The following ZNF595 variants were observed in gnomAD, a reference collection of about 807,000 sequenced individuals.
The protein encoded by ZNF595 is zinc finger protein 595.
A neutral mutation model predicts 19.4 loss-of-function variants in ZNF595; 9 were observed. That is an observed-to-expected ratio of 0.46 (90% CI 0.28 to 0.81). ZNF595 has a LOEUF of 0.81. ZNF595 is among the 30% of genes least tolerant of loss of function. The pLI is 0.11. For synonymous variants in ZNF595, 255 were observed against 255.9 expected, an observed-to-expected ratio of 1.00 and a Z score of 0.03; for missense variants, 729 against 736.0, an observed-to-expected ratio of 0.99 and a Z score of 0.11.
chr4:87,548 T>C lies in ZNF595; in HGVS notation c.*97T>C. The stretch of plus-strand genomic sequence containing the variant: ...TAAACTTGTATTATTTTTCTTATTT[T>C]AAATTTTTTAAAATTTCTGTAGGTA... On this transcript the variant is annotated 3_prime_UTR_variant, in exon 4 of 4. Transcript: ENST00000610261. 1 of 1,213,546 alleles carries C rather than the reference T, an allele frequency of 8.2e-7. No homozygotes were observed. The highest frequency in any genetic ancestry group is 1.1e-6 in the Non-Finnish European group (1 of 913,478). The allele number at this position is 1,213,546 out of a possible 1,614,324, so 75.2% of individuals were successfully genotyped here.
Position 86,431 on chromosome 4 carries a change from G to C in ZNF595, c.927G>C (p.Glu309Asp), listed in dbSNP as rs908577675. The change falls in exon 4 of 4, where the codon GAG (glutamate) becomes GAC (aspartate). Residue 309 changes from glutamate (E) to aspartate (D), a missense_variant. Physicochemically the swap from Glu to Asp is conservative, Grantham distance 45. Around this residue, in one of 2 missense-constraint regions of ZNF595, gnomAD observed 729 missense variants for 675.3 expected, o/e 1.08. Transcript: ENST00000610261. ...AACATAAGAATATTCATACTGGAGAGAAACCCTACAAATGTAAAGAATGTG... is the reference window on the plus strand; with the variant it reads ...AACATAAGAATATTCATACTGGAGACAAACCCTACAAATGTAAAGAATGTG... The part of the protein sequence containing the change: ...LNEHKNIHTG[E>D]KPYKCKECGK... The C allele has an allele frequency of 2.5e-6, 4 of 1,613,968 alleles. No homozygotes were observed. Among genetic ancestry groups the C allele is most frequent in the Non-Finnish European group, 3.4e-6 (4 of 1,179,942 alleles).
chr4:83,964 G>C (rs1474710740), intron 3 of ZNF595, among the ~76,000 whole-genome samples: 2 of 151,114 alleles, frequency 1.3e-5, no homozygotes, highest in Non-Finnish European at 3.0e-5. Flanking sequence ...TTTGACTTTT[G>C]TGTTGATAGA....
intron 3 of ZNF595, among the ~76,000 whole-genome samples, chr4:81,228 A>G (rs1713894842): frequency 6.6e-6 from 1 of 152,210 alleles, no homozygotes; most frequent in South Asian, 2.1e-4. Flanking sequence ...ATAATTGTGT[A>G]CTACAATATT....
At chr4:68,964 A>G (rs1553797474) in intron 3 of ZNF595, among the ~76,000 whole-genome samples, 1 of 152,156 alleles carries the variant, frequency 6.6e-6, no homozygotes, top group East Asian at 1.9e-4. Flanking sequence ...AATTAAATCA[A>G]TTTAGTTTTT....
Position 86,538 on chromosome 4 carries a change from G to T in ZNF595, c.1034G>T (p.Cys345Phe), listed in dbSNP as rs782288087. The T allele has an allele frequency of 6.2e-7, 1 of 1,613,912 alleles. No individual in the cohort carries two copies. Among genetic ancestry groups the T allele is most frequent in the South Asian group, 1.1e-5 (1 of 91,072 alleles). The change falls in exon 4 of 4, where the codon TGT (cysteine) becomes TTT (phenylalanine). Residue 345 changes from cysteine (C) to phenylalanine (F), a missense_variant. Transcript: ENST00000610261. ...TGEKPYTCEK[C>F]GKAFNQSSSL... ...GAAAAACCCTACACATGTGAAAAAT[G>T]TGGCAAAGCTTTTAACCAATCCTCA...
chr4:85,781 G>T lies in ZNF595; in HGVS notation c.277G>T (p.Asp93Tyr), dbSNP rs1714110255. 3 of 1,612,348 alleles carry T rather than the reference G, an allele frequency of 1.9e-6. No homozygotes were observed. Among genetic ancestry groups the T allele is most frequent in the Non-Finnish European group, 1.7e-6 (2 of 1,178,790 alleles). ...QDLSPVQGIE[D>Y]SFHKLILKRY... ...CCTTTCACCAGTGCAGGGGATAGAA[G>T]ATTCATTCCACAAACTTATACTGAA... The change falls in exon 4 of 4, where the codon GAT (aspartate) becomes TAT (tyrosine). Residue 93 changes from aspartate (D) to tyrosine (Y), a missense_variant. Transcript: ENST00000610261.
Position 87,183 on chromosome 4 carries a change from G to T in ZNF595, c.1679G>T (p.Gly560Val). The T allele has an allele frequency of 1.2e-6, 2 of 1,613,820 alleles. No individual in the cohort carries two copies. Among genetic ancestry groups the T allele is most frequent in the Non-Finnish European group, 1.7e-6 (2 of 1,179,826 alleles). The change falls in exon 4 of 4, where the codon GGA (glycine) becomes GTA (valine). Residue 560 changes from glycine (G) to valine (V), a missense_variant. By Grantham distance (109) the Gly-to-Val change is moderately radical (BLOSUM62 -3). Coordinates refer to ENST00000610261, the MANE Select transcript of ZNF595 (RefSeq NM_182524.4). Reference protein sequence around the residue: ...ALNEHKKIHSGEKPYKCKECG... With the variant: ...ALNEHKKIHSVEKPYKCKECG... ...AATGAACATAAGAAAATTCATTCTG[G>T]AGAGAAACCCTACAAATGCAAAGAA...
At chr4:64,541 G>A (rs1313203166) in intron 3 of ZNF595, among the ~76,000 whole-genome samples, 72 of 150,570 alleles carry the variant, frequency 4.8e-4, no homozygotes, top group African/African-American at 1.6e-3. Flanking sequence ...ATCACTTGAG[G>A]CCAGGAGTTC....
At chr4:78,726 T>C (rs1713776658) in intron 3 of ZNF595, among the ~76,000 whole-genome samples, 1 of 152,254 alleles carries the variant, frequency 6.6e-6, no homozygotes, top group Non-Finnish European at 1.5e-5. Flanking sequence ...TCTTTCTTTC[T>C]TTCTTTTTTG....
intron 3 of ZNF595, among the ~76,000 whole-genome samples, chr4:78,477 A>T (rs1436870593): frequency 6.6e-6 from 1 of 152,224 alleles, no homozygotes; most frequent in Non-Finnish European, 1.5e-5. Flanking sequence ...TGGTATTTGC[A>T]TGTATAAATA....
At position 82,604 on chromosome 4, in the gene ZNF595, G is replaced by A. The variant is rs185334754; in HGVS notation, c.227-3127G>A. ...TCTCCATGTTGGTCAGGCTGGTCTCGAACTAATGACCTCAAGTGATCTGCT... is the reference window on the plus strand; with the variant it reads ...TCTCCATGTTGGTCAGGCTGGTCTCAAACTAATGACCTCAAGTGATCTGCT... On this transcript the variant is annotated intron_variant, in intron 3 of 3. Transcript: ENST00000610261. 4.5e-3 allele frequency among the ~76,000 whole-genome samples: 687 copies of A among 151,822 alleles called. 6 individuals carry two copies. The highest frequency in any genetic ancestry group is 0.045 in the Middle Eastern group (13 of 292).
chr4:85,524 G>A (rs1553800902), intron 3 of ZNF595, among the ~76,000 whole-genome samples: 1 of 152,116 alleles, frequency 6.6e-6, no homozygotes, highest in Non-Finnish European at 1.5e-5. Context: ...CTGAGGCGTT[G>A]CATACAGTTA....
At chr4:66,350 T>C (rs1176361668) in intron 3 of ZNF595, among the ~76,000 whole-genome samples, 10 of 150,702 alleles carry the variant, frequency 6.6e-5, no homozygotes, top group African/African-American at 2.4e-4. Context: ...TTTTTGGAGT[T>C]GTTCTGGATG....
intron 3 of ZNF595, among the ~76,000 whole-genome samples, chr4:73,540 CAA>C (rs1319434881): frequency 1.3e-5 from 2 of 152,138 alleles, no homozygotes; most frequent in Non-Finnish European, 2.9e-5. Context: ...GGAGCATCAT[CAA>C]AGTCAATGAA....
chr4:87,145 G>C lies in ZNF595; in HGVS notation c.1641G>C (p.Arg547=), dbSNP rs542713895. The change falls in exon 4 of 4, where the codon CGG becomes CGC. Residue 547 remains arginine (R), a synonymous_variant. Coordinates refer to ENST00000610261, the MANE Select transcript of ZNF595 (RefSeq NM_182524.4). ...KCEECGKAFT[R]STALNEHKKI... ...AAGAATGTGGCAAAGCCTTTACTCG[G>C]TCCACAGCCCTGAATGAACATAAGA... 8.1e-6 allele frequency: 13 copies of C among 1,613,856 alleles called. No homozygotes were observed. Among genetic ancestry groups the C allele is most frequent in the Non-Finnish European group, 1.1e-5 (13 of 1,179,920 alleles).
chr4:77,824 G>T (rs1214387599), intron 3 of ZNF595, among the ~76,000 whole-genome samples: 1 of 152,070 alleles, frequency 6.6e-6, no homozygotes, highest in Non-Finnish European at 1.5e-5. Context: ...ATATAAATGT[G>T]AGCAGGTGTG....
rs1167857900 is a variant in ZNF595 at position 62,061 on chromosome 4, C to A, written c.226+1908C>A. ...GTCTACTGTTGTAGCAAATTGTAAG[C>A]ATACTTTACAGTATTACTATAAAGA... On this transcript the variant is annotated intron_variant, in intron 3 of 3. Coordinates refer to ENST00000610261, the MANE Select transcript of ZNF595 (RefSeq NM_182524.4). 3.3e-5 allele frequency among the ~76,000 whole-genome samples: 4 copies of A among 122,994 alleles called. 1 individual carries two copies. Among genetic ancestry groups the A allele is most frequent in the Non-Finnish European group, 6.6e-5 (4 of 60,404 alleles). The allele number at this position is 122,994 out of a possible 152,430, so 80.7% of individuals were successfully genotyped here.
At position 86,008 on chromosome 4, in the gene ZNF595, T is replaced by G; in HGVS notation, c.504T>G (p.Thr168=). ...CAAACAAACATAAGATAAGACATACTGGAGAGAAACCCTTTAAATGTACAG... is the reference window on the plus strand; with the variant it reads ...CAAACAAACATAAGATAAGACATACGGGAGAGAAACCCTTTAAATGTACAG... ...SNSNKHKIRH[T]GEKPFKCTEC... Residue 168 remains threonine, a synonymous_variant, in exon 4 of 4, where the codon ACT becomes ACG. Coordinates refer to ENST00000610261, the MANE Select transcript of ZNF595 (RefSeq NM_182524.4). The G allele has an allele frequency of 6.2e-7, 1 of 1,608,530 alleles. No individual in the cohort carries two copies. Among genetic ancestry groups the G allele is most frequent in the Non-Finnish European group, 8.5e-7 (1 of 1,176,782 alleles).
chr4:61,411 C>T (rs1276944434), intron 3 of ZNF595, among the ~76,000 whole-genome samples: 1 of 152,228 alleles, frequency 6.6e-6, no homozygotes, highest in Non-Finnish European at 1.5e-5. Context: ...GCTAGAATTA[C>T]AGGCCTGAGC....
Sources: gnomAD v4.1 joint callset for allele counts (sites outside exome capture counted in the v4.1 genomes callset) on GRCh38, gnomAD v4.1.1 for gene constraint, gnomAD v4.1.1 regional missense constraint, MANE v1.5 for transcripts, NCBI Gene and HGNC (gene_info 2026-07-23, HGNC 2026-07-21) for gene names.